CACNA1E: variants seen among roughly 807,000 people sequenced by gnomAD.
CACNA1E encodes the protein calcium voltage-gated channel subunit alpha1 E, also known as voltage-dependent R-type calcium channel subunit alpha-1E.
CACNA1E carries 40 observed loss-of-function variants against 259.2 expected under a neutral mutation model. The ratio of observed to expected loss-of-function variants is 0.15; its 90% CI spans 0.12 to 0.20. The LOEUF is 0.20. CACNA1E is among the 10% of genes least tolerant of loss of function. CACNA1E has a pLI of 1.00. For missense variants in CACNA1E, 1,874 were observed against 3,040.1 expected (o/e 0.62, Z 9.02); for synonymous variants, 1,104 against 1,138.5 (o/e 0.97, Z 0.61).
intron 6 of CACNA1E, among the ~76,000 whole-genome samples, chr1:181,607,373 TTTG>T (rs1654332215): frequency 6.6e-6 from 1 of 152,216 alleles, no homozygotes; most frequent in Admixed American, 6.5e-5. Context: ...CGTCTTAAAT[TTTG>T]TTGTCACACT....
chr1:181,505,363 C>T (rs1045891162), intron 1 of CACNA1E, among the ~76,000 whole-genome samples: 1 of 151,952 alleles, frequency 6.6e-6, no homozygotes, highest in Non-Finnish European at 1.5e-5. Context: ...TCTCTCCCTT[C>T]TCTTTTTTTT....
At chr1:181,531,915 G>A (rs1667815697) in intron 3 of CACNA1E, among the ~76,000 whole-genome samples, 1 of 152,190 alleles carries the variant, frequency 6.6e-6, no homozygotes, top group South Asian at 2.1e-4. Flanking sequence ...AATTACCCCG[G>A]TGTGATGGCA....
At chr1:181,764,216 T>C (rs1658830592) in intron 34 of CACNA1E, among the ~76,000 whole-genome samples, 1 of 152,214 alleles carries the variant, frequency 6.6e-6, no homozygotes, top group Non-Finnish European at 1.5e-5. Context: ...AGTAAAAGTT[T>C]CTTAAACATA....
chr1:181,666,639 G>A (rs575584254), intron 7 of CACNA1E, among the ~76,000 whole-genome samples: 8 of 151,478 alleles, frequency 5.3e-5, no homozygotes, highest in Non-Finnish European at 1.2e-4. Context: ...TTTTATATAG[G>A]GAGTAAAATA....
chr1:181,793,175 A>G (rs960441277), intron 44 of CACNA1E, among the ~76,000 whole-genome samples: 1 of 152,218 alleles, frequency 6.6e-6, no homozygotes, highest in Non-Finnish European at 1.5e-5. Flanking sequence ...GATGGTTTCA[A>G]TCAGAAGAAA....
At chr1:181,603,417 T>C (rs1052689049) in intron 6 of CACNA1E, among the ~76,000 whole-genome samples, 1 of 152,214 alleles carries the variant, frequency 6.6e-6, no homozygotes. Flanking sequence ...ACACTGATGT[T>C]TAATACACTT....
At chr1:181,763,330 T>C (rs905241619) in intron 33 of CACNA1E, 76 bp from the exon 34 acceptor site, 1 of 1,187,802 alleles carries the variant, frequency 8.4e-7, no homozygotes, top group Non-Finnish European at 1.2e-6. Context: ...GAGGGATAAA[T>C]ACACAAATAC....
At chr1:181,495,238 G>C (rs1021385412) in intron 1 of CACNA1E, among the ~76,000 whole-genome samples, 3 of 152,140 alleles carry the variant, frequency 2.0e-5, no homozygotes, top group Non-Finnish European at 4.4e-5. Flanking sequence ...TTAGAGTTCA[G>C]GATTTACCAG....
chr1:181,793,761 T>C lies in CACNA1E; in HGVS notation c.5995T>C (p.Ser1999Pro). 1 of 1,611,918 alleles carries C rather than the reference T, an allele frequency of 6.2e-7. No individual in the cohort carries two copies. The highest frequency in any genetic ancestry group is 1.1e-5 in the South Asian group (1 of 90,720). Residue 1999 changes from serine (S) to proline (P), a missense_variant, in exon 45 of 48, where the codon TCT becomes CCT. Transcript: ENST00000367573. ...TQEHAGSGRA[S>P]SMPRLTVDPQ... is the part of the protein sequence containing the mutation. Reference sequence around the variant, plus strand: ...GGAGCATGCGGGATCTGGGAGGGCATCTTCTATGCCACGTCTGACTGTGGA... The same window carrying C: ...GGAGCATGCGGGATCTGGGAGGGCACCTTCTATGCCACGTCTGACTGTGGA...
At chr1:181,484,100 C>G in intron 1 of CACNA1E, 90 bp downstream of exon 1, 1 of 1,315,506 alleles carries the variant, frequency 7.6e-7, no homozygotes. Flanking sequence ...ATCCCCCACC[C>G]CTTCCTGGTG....
chr1:181,681,129 A>G (rs1356691880), intron 7 of CACNA1E, among the ~76,000 whole-genome samples: 1 of 152,106 alleles, frequency 6.6e-6, no homozygotes, highest in African/African-American at 2.4e-5. Context: ...GTTGAGGAGA[A>G]CTGGATGTGT....
At chr1:181,794,462 C>A (rs1322293072) in intron 45 of CACNA1E, among the ~76,000 whole-genome samples, 1 of 152,088 alleles carries the variant, frequency 6.6e-6, no homozygotes, top group Admixed American at 6.5e-5. Flanking sequence ...AAAAGCAAAG[C>A]CATGCTTCTT....
At chr1:181,590,887 G>A (rs1484412434) in intron 6 of CACNA1E, among the ~76,000 whole-genome samples, 1 of 151,308 alleles carries the variant, frequency 6.6e-6, no homozygotes, top group Admixed American at 6.6e-5. Context: ...TGCAAGTTTT[G>A]TTTTTAAAAT....
chr1:181,785,234 G>C (rs1660756446), intron 41 of CACNA1E, 84 bp from the exon 42 acceptor site: 2 of 795,364 alleles, frequency 2.5e-6, no homozygotes, highest in Non-Finnish European at 4.4e-6. Flanking sequence ...CTGTTCCAGA[G>C]AGTGGGTAAC....
At chr1:181,370,316 A>T (rs1368244727) in intron 1 of CACNA1E, among the ~76,000 whole-genome samples, 5 of 150,062 alleles carry the variant, frequency 3.3e-5, no homozygotes, top group African/African-American at 1.2e-4. Flanking sequence ...TTCAGAGAGT[A>T]CATGTGGAGG....
At chr1:181,777,900 G>T (rs1660103302) in intron 38 of CACNA1E, among the ~76,000 whole-genome samples, 1 of 152,194 alleles carries the variant, frequency 6.6e-6, no homozygotes, top group African/African-American at 2.4e-5. Context: ...AAAGTCCATT[G>T]TTCATCTGGG....
intron 2 of CACNA1E, among the ~76,000 whole-genome samples, chr1:181,429,994 C>CA (rs1659600628): frequency 6.6e-6 from 1 of 152,244 alleles, no homozygotes; most frequent in Non-Finnish European, 1.5e-5. Flanking sequence ...TTTTCAGGAG[C>CA]AAATCCCCCT....
At chr1:181,741,519 G>A (rs1656574353) in intron 25 of CACNA1E, among the ~76,000 whole-genome samples, 1 of 152,188 alleles carries the variant, frequency 6.6e-6, no homozygotes, top group Admixed American at 6.5e-5. Context: ...AGATAGATGT[G>A]TGCAGGCTGG....
At chr1:181,350,219 G>A (rs916855240) in intron 1 of CACNA1E, among the ~76,000 whole-genome samples, 1 of 152,206 alleles carries the variant, frequency 6.6e-6, no homozygotes, top group East Asian at 1.9e-4. Flanking sequence ...GGAAACTCAC[G>A]CAAGTGATAT....
Sources: allele counts gnomAD v4.1 joint callset (sites outside exome capture counted in the v4.1 genomes callset), GRCh38; gene constraint gnomAD v4.1.1; transcripts MANE v1.5; gene names NCBI Gene and HGNC (gene_info 2026-07-23, HGNC 2026-07-21).